Variants in DLG2 observed in about 807,000 individuals in gnomAD.
The protein encoded by DLG2 is disks large homolog 2.
Under a neutral mutation model 132.5 loss-of-function variants are expected in DLG2, and 45 were observed. That is an observed-to-expected ratio of 0.34 (90% CI 0.27 to 0.44). The LOEUF (loss-of-function observed/expected upper bound fraction) is 0.44, where lower values mean the gene tolerates loss of function less well. DLG2 is among the 20% of genes least tolerant of loss of function. The pLI is 1.00. For missense variants in DLG2, 1,045 were observed against 1,196.9 expected (o/e 0.87, Z 1.87); for synonymous variants, 424 against 419.6 (o/e 1.01, Z -0.13).
chr11:84,773,736 A>T (rs1475308863), intron 6 of DLG2, among the ~76,000 whole-genome samples: 1 of 152,184 alleles, frequency 6.6e-6, no homozygotes, highest in Non-Finnish European at 1.5e-5. Flanking sequence ...AAATTTCAAC[A>T]TCCCTTCATA....
intron 8 of DLG2, among the ~76,000 whole-genome samples, chr11:84,176,529 G>A (rs965485161): frequency 6.6e-6 from 1 of 151,584 alleles, no homozygotes; most frequent in African/African-American, 2.4e-5. Context: ...AATTAACTTA[G>A]AAGTCTAAAG....
At chr11:84,255,664 A>T (rs1447912665) in intron 7 of DLG2, among the ~76,000 whole-genome samples, 2 of 152,106 alleles carry the variant, frequency 1.3e-5, no homozygotes, top group African/African-American at 4.8e-5. Context: ...CTTTAATTGG[A>T]TGCCTAAATC....
At chr11:85,455,642 A>G (rs2092397801) in intron 3 of DLG2, among the ~76,000 whole-genome samples, 1 of 152,146 alleles carries the variant, frequency 6.6e-6, no homozygotes, top group South Asian at 2.1e-4. Flanking sequence ...CCTATTCAGT[A>G]TGATGTAGGC....
intron 6 of DLG2, among the ~76,000 whole-genome samples, chr11:84,797,980 A>G (rs897181559): frequency 6.6e-6 from 1 of 152,162 alleles, no homozygotes; most frequent in Admixed American, 6.5e-5. Flanking sequence ...CTGGATTACC[A>G]GGCAGATACT....
In DLG2 at chr11:84,935,622, A is replaced by T. The variant is rs538011350; in HGVS notation, c.357+176039T>A. ...AGAAGACATTTGGCAATGTCTGGAC[A>T]CACTTTTGGTTATTATAACTGGGGA... On this transcript the variant is annotated intron_variant, in intron 6 of 27. Transcript: ENST00000376104. Among the ~76,000 whole-genome samples, 71 of 152,300 alleles carry T rather than the reference A, an allele frequency of 4.7e-4. 2 individuals are homozygous for T. Among genetic ancestry groups the T allele is most frequent in the African/African-American group, 1.6e-3 (65 of 41,564 alleles).
At chr11:84,337,630 T>G (rs780043221) in intron 7 of DLG2, among the ~76,000 whole-genome samples, 1 of 152,190 alleles carries the variant, frequency 6.6e-6, no homozygotes, top group African/African-American at 2.4e-5. Flanking sequence ...AAAAATAGTC[T>G]AAATGACTAT....
chr11:84,641,327 T>C (rs978553918), intron 6 of DLG2, among the ~76,000 whole-genome samples: 1 of 152,226 alleles, frequency 6.6e-6, no homozygotes, highest in Non-Finnish European at 1.5e-5. Flanking sequence ...ATAAAGTCTT[T>C]AGGAAATTGC....
chr11:85,300,139 C>T (rs1261197770), intron 3 of DLG2, among the ~76,000 whole-genome samples: 1 of 152,130 alleles, frequency 6.6e-6, no homozygotes, highest in Non-Finnish European at 1.5e-5. Context: ...TAAAAACTAA[C>T]AGTCTAGTAG....
rs943129124 is a variant in DLG2 at position 85,034,317 on chromosome 11, C to A, written c.357+77344G>T. Among the ~76,000 whole-genome samples the A allele has an allele frequency of 7.2e-5, 11 of 152,194 alleles. No individual in the cohort carries two copies. The South Asian group carries it at 2.3e-3, about 32-fold the overall frequency. The stretch of plus-strand genomic sequence containing the variant: ...ATGGTCTCTCTCCTGACCTCGTGAT[C>A]CGCCTGCCTCGGCCTCCAAAGTGCT... On this transcript the variant is annotated intron_variant, in intron 6 of 27. Transcript: ENST00000376104.
chr11:85,114,284 G>A (rs912338703), intron 5 of DLG2, among the ~76,000 whole-genome samples: 34 of 151,898 alleles, frequency 2.2e-4, no homozygotes, highest in Admixed American at 1.8e-3. Context: ...AGCCCAGCTA[G>A]AACCAGAATA....
At chr11:84,675,150 TC>T (rs1268420638) in intron 6 of DLG2, among the ~76,000 whole-genome samples, 2 of 152,112 alleles carry the variant, frequency 1.3e-5, no homozygotes, top group Non-Finnish European at 2.9e-5. Flanking sequence ...TGCGGCCCCC[TC>T]TATCCAGAGT....
chr11:84,362,224 C>T (rs185048507), intron 7 of DLG2, among the ~76,000 whole-genome samples: 14 of 152,026 alleles, frequency 9.2e-5, no homozygotes, highest in South Asian at 2.1e-4. Context: ...GTATTTCTCA[C>T]GCCCAGTTCA....
chr11:84,616,700 T>C (rs1053494384), intron 6 of DLG2, among the ~76,000 whole-genome samples: 1 of 152,126 alleles, frequency 6.6e-6, no homozygotes, highest in Non-Finnish European at 1.5e-5. Flanking sequence ...AAAAATGAAT[T>C]GATGATAATA....
chr11:85,236,751 G>A (rs1049921469), intron 4 of DLG2, among the ~76,000 whole-genome samples: 1 of 151,958 alleles, frequency 6.6e-6, no homozygotes, highest in Non-Finnish European at 1.5e-5. Context: ...TAACAAATGA[G>A]GAAACTGAGG....
chr11:84,403,113 A>G (rs907231500), intron 7 of DLG2, among the ~76,000 whole-genome samples: 8 of 151,992 alleles, frequency 5.3e-5, no homozygotes, highest in Admixed American at 5.2e-4. Flanking sequence ...GATATCCTCT[A>G]TCAGTAGGAA....
chr11:84,871,334 G>T (rs1328365678), intron 6 of DLG2, among the ~76,000 whole-genome samples: 1 of 152,182 alleles, frequency 6.6e-6, no homozygotes, highest in African/African-American at 2.4e-5. Flanking sequence ...ACTGGCTGTG[G>T]TGTTCTCAGG....
chr11:85,531,744 A>C (rs891293951), intron 3 of DLG2, among the ~76,000 whole-genome samples: 3 of 152,198 alleles, frequency 2.0e-5, no homozygotes, highest in Admixed American at 1.3e-4. Context: ...GGAGGGGTGG[A>C]GAAAGACACA....
At chr11:85,162,860 G>A (rs918667952) in intron 4 of DLG2, among the ~76,000 whole-genome samples, 2 of 152,192 alleles carry the variant, frequency 1.3e-5, no homozygotes, top group African/African-American at 2.4e-5. Flanking sequence ...TTGGATTGAA[G>A]AATTCAAAGT....
At chr11:84,301,741 CT>C (rs2098157641) in intron 7 of DLG2, among the ~76,000 whole-genome samples, 1 of 150,682 alleles carries the variant, frequency 6.6e-6, no homozygotes, top group African/African-American at 2.4e-5. Flanking sequence ...CTGTTTTACA[CT>C]GTTGGTGGGA....
Sources: gnomAD v4.1 joint callset for allele counts (sites outside exome capture counted in the v4.1 genomes callset) on GRCh38, gnomAD v4.1.1 for gene constraint, MANE v1.5 for transcripts, NCBI Gene and HGNC (gene_info 2026-07-23, HGNC 2026-07-21) for gene names.